FRAS1: variants seen among roughly 807,000 people sequenced by gnomAD.
The protein encoded by FRAS1 is Fraser extracellular matrix complex subunit 1, also known as extracellular matrix organizing protein FRAS1.
A neutral mutation model predicts 435.2 loss-of-function variants in FRAS1; 290 were observed. The ratio of observed to expected loss-of-function variants is 0.67; its 90% CI spans 0.61 to 0.73. The LOEUF is 0.73. Ranked by LOEUF, FRAS1 falls within the 30% of genes least tolerant of loss-of-function variation. The probability of loss-of-function intolerance (pLI) is 0.00; values close to 1 mark genes in which losing one functional copy is unlikely to be tolerated. For synonymous variants in FRAS1, 1,800 were observed against 1,851.0 expected (o/e 0.97, Z 0.71); for missense variants, 4,860 against 5,001.5 (o/e 0.97, Z 0.85).
chr4:78,066,174 A>G (rs4859907), intron 2 of FRAS1, among the ~76,000 whole-genome samples, 158 bp downstream of exon 2: 37,545 of 152,174 alleles, frequency 0.25, 5,019 homozygotes, highest in East Asian at 0.35. Context: ...ATGCTCAATT[A>G]TTTAATACCT....
intron 1 of FRAS1, among the ~76,000 whole-genome samples, chr4:78,063,344 G>A (rs910207673): frequency 6.6e-6 from 1 of 152,240 alleles, no homozygotes; most frequent in South Asian, 2.1e-4. Flanking sequence ...ATAGAACTGG[G>A]CATCACACTG....
intron 70 of FRAS1, among the ~76,000 whole-genome samples, chr4:78,532,018 G>A (rs1203200447): frequency 2.6e-5 from 4 of 152,140 alleles, no homozygotes; most frequent in Non-Finnish European, 5.9e-5. Context: ...TATTGAAATA[G>A]CCTGTTAACA....
intron 45 of FRAS1, 95 bp from the exon 46 acceptor site, chr4:78,451,677 A>G (rs953372321): frequency 1.5e-5 from 15 of 987,542 alleles, no homozygotes; most frequent in Non-Finnish European, 2.0e-5. Context: ...GAACTGATTC[A>G]TTGGTGTGAA....
chr4:78,478,186 C>A, intron 55 of FRAS1, 125 bp downstream of exon 55: 1 of 1,097,466 alleles, frequency 9.1e-7, no homozygotes, highest in Non-Finnish European at 1.3e-6. Context: ...CACTTATTAA[C>A]TCATTTGGTT....
At chr4:78,070,031 G>T (rs1298540198) in intron 2 of FRAS1, among the ~76,000 whole-genome samples, 1 of 151,802 alleles carries the variant, frequency 6.6e-6, no homozygotes, top group Admixed American at 6.6e-5. Flanking sequence ...TGCCGCAACT[G>T]CCATGCAGTT....
rs148884381 is a variant in FRAS1 at position 78,329,634 on chromosome 4, G to T, written c.2138-3638G>T. ...GCTTGGAGATGGGGTAGTGAGTCTC[G>T]AGTACCACATGCAAATGCAGTGCTA... On this transcript the variant is annotated intron_variant, in intron 18 of 73. Coordinates refer to ENST00000512123, the MANE Select transcript of FRAS1 (RefSeq NM_025074.7). Among the ~76,000 whole-genome samples the T allele has an allele frequency of 3.2e-4, 49 of 152,284 alleles. No individual in the cohort carries two copies. In the East Asian group the frequency reaches 9.1e-3, roughly 28 times the overall value.
intron 30 of FRAS1, among the ~76,000 whole-genome samples, chr4:78,403,196 C>CA (rs1490379742): frequency 3.3e-5 from 5 of 152,030 alleles, no homozygotes; most frequent in Non-Finnish European, 7.4e-5. Flanking sequence ...CAGTAAAAGA[C>CA]AAAAAATTAA....
At chr4:78,359,141 C>T (rs530644967) in intron 20 of FRAS1, among the ~76,000 whole-genome samples, 2 of 152,298 alleles carry the variant, frequency 1.3e-5, no homozygotes, top group Middle Eastern at 3.4e-3. Flanking sequence ...CTCTAGATCC[C>T]TGTCTGAACC....
Position 78,535,660 on chromosome 4 carries a change from C to T in FRAS1, c.11092+1045C>T, listed in dbSNP as rs572000987. On this transcript the variant is annotated intron_variant, in intron 71 of 73. Coordinates refer to ENST00000512123, the MANE Select transcript of FRAS1 (RefSeq NM_025074.7). Reference sequence around the variant, plus strand: ...TTCTTGAGTTCATCCTCTTGCCTCACAGCTATATTTTAGGTGCCTATCTCT... The same window carrying T: ...TTCTTGAGTTCATCCTCTTGCCTCATAGCTATATTTTAGGTGCCTATCTCT... 5.3e-5 allele frequency among the ~76,000 whole-genome samples: 8 copies of T among 152,326 alleles called. No individual in the cohort carries two copies. In the South Asian group the frequency reaches 1.7e-3, roughly 32 times the overall value.
intron 14 of FRAS1, among the ~76,000 whole-genome samples, chr4:78,287,536 G>T (rs542463212): frequency 6.6e-6 from 1 of 152,134 alleles, no homozygotes; most frequent in South Asian, 2.1e-4. Flanking sequence ...GCTACTCTCT[G>T]CAGCTAAACA....
Position 78,464,133 on chromosome 4 carries a change from T to C in FRAS1, c.6876T>C (p.Asp2292=), listed in dbSNP as rs779794904. 16 of 1,610,288 alleles carry C rather than the reference T, an allele frequency of 9.9e-6. No homozygotes were observed. The highest frequency in any genetic ancestry group is 1.4e-5 in the Non-Finnish European group (16 of 1,178,934). Residue 2292 remains aspartate, a synonymous_variant, in exon 48 of 74, where the codon GAT becomes GAC. Transcript: ENST00000512123. ...ATGCCTTCAGCTTTACACTGTCTGA[T>C]GGAGTCAGTGAGGTAGGTGAGGCAC... The part of the protein sequence containing the change: ...HSDAFSFTLS[D]GVSEVTQTFH...
intron 2 of FRAS1, among the ~76,000 whole-genome samples, chr4:78,091,623 T>TTG (rs10631175): frequency 0.65 from 96,479 of 147,998 alleles, 32,443 homozygotes; most frequent in East Asian, 0.87. Flanking sequence ...ACACGTGTGT[T>TTG]TGTGTGTGTG....
intron 1 of FRAS1, among the ~76,000 whole-genome samples, chr4:78,062,353 CTATTT>C (rs1739797779): frequency 6.6e-6 from 1 of 152,158 alleles, no homozygotes; most frequent in Non-Finnish European, 1.5e-5. Flanking sequence ...GAAAATGATT[CTATTT>C]TAAGTATTCC....
At chr4:78,203,117 C>T (rs1723112596) in intron 2 of FRAS1, among the ~76,000 whole-genome samples, 1 of 152,166 alleles carries the variant, frequency 6.6e-6, no homozygotes, top group African/African-American at 2.4e-5. Context: ...ACTAAAACTT[C>T]CCACAGGGTA....
At chr4:78,447,094 C>CTGAAGTTAAA (rs1718860572) in intron 43 of FRAS1, among the ~76,000 whole-genome samples, 1 of 150,974 alleles carries the variant, frequency 6.6e-6, no homozygotes. Flanking sequence ...ATTGGTGTCT[C>CTGAAGTTAAA]TGAAGTTAAA....
At chr4:78,328,545 A>G (rs201591648) in intron 18 of FRAS1, among the ~76,000 whole-genome samples, 1 of 152,204 alleles carries the variant, frequency 6.6e-6, no homozygotes, top group East Asian at 1.9e-4. Flanking sequence ...TTTGTGTTAA[A>G]CATGTCTTAA....
At chr4:78,122,784 A>G (rs1369795763) in intron 2 of FRAS1, among the ~76,000 whole-genome samples, 1 of 152,184 alleles carries the variant, frequency 6.6e-6, no homozygotes, top group African/African-American at 2.4e-5. Context: ...TCTTTTGAGA[A>G]GTGTCTGTTC....
intron 14 of FRAS1, among the ~76,000 whole-genome samples, chr4:78,288,566 C>A (rs1727729141): frequency 1.3e-5 from 2 of 152,170 alleles, no homozygotes; most frequent in South Asian, 2.1e-4. Flanking sequence ...ATCCACATAT[C>A]TACACACAAA....
In FRAS1 at chr4:78,084,293, A is replaced by G. The variant is rs115840206; in HGVS notation, c.108+18277A>G. Among the ~76,000 whole-genome samples the G allele has an allele frequency of 3.3e-3, 503 of 152,220 alleles. 2 individuals carry two copies. Among genetic ancestry groups the G allele is most frequent in the African/African-American group, 0.012 (489 of 41,566 alleles). On this transcript the variant is annotated intron_variant, in intron 2 of 73. Transcript: ENST00000512123. ...TCTCTTACTGTAATTTGTAAATTAA[A>G]CTTTATTATAGAAATGAATGTATAG... is the stretch of plus-strand genomic sequence containing the variant.
Sources: gnomAD v4.1 joint callset for allele counts (sites outside exome capture counted in the v4.1 genomes callset) on GRCh38, gnomAD v4.1.1 for gene constraint, MANE v1.5 for transcripts, NCBI Gene and HGNC (gene_info 2026-07-23, HGNC 2026-07-21) for gene names.